COX18: variants seen among roughly 807,000 people sequenced by gnomAD.
COX18 encodes the protein cytochrome c oxidase assembly protein COX18, mitochondrial.
COX18 carries 45 observed loss-of-function variants against 38.0 expected under a neutral mutation model. The ratio of observed to expected loss-of-function variants is 1.18; its 90% CI spans 0.93 to 1.52. The LOEUF (loss-of-function observed/expected upper bound fraction) is 1.52. Among genes scored for constraint, COX18 ranks in the 40% most tolerant of loss-of-function variants. The probability of loss-of-function intolerance (pLI) is 0.00; values close to 1 mark genes in which losing one functional copy is unlikely to be tolerated. For synonymous variants in COX18, 177 were observed against 169.8 expected (o/e 1.04, Z -0.33); for missense variants, 462 against 423.8 (o/e 1.09, Z -0.79).
chr4:73,062,197 T>C (rs993255374), intron 4 of COX18, among the ~76,000 whole-genome samples: 10 of 152,114 alleles, frequency 6.6e-5, no homozygotes, highest in Non-Finnish European at 1.0e-4. Flanking sequence ...GCTGGGATAA[T>C]AGGCATGCAC....
In COX18 at chr4:73,053,416, TG is replaced by T. The variant is rs1437758930; in HGVS notation, c.*4697del. 6.6e-6 allele frequency: 1 copy of T among 152,182 alleles called. No individual in the cohort carries two copies. Among genetic ancestry groups the T allele is most frequent in the Non-Finnish European group, 1.5e-5 (1 of 68,046 alleles). 9.4% of individuals were successfully genotyped at this position (152,182 alleles called of 1,614,324 possible). On this transcript the variant is annotated 3_prime_UTR_variant, in exon 6 of 6. Coordinates refer to ENST00000507544, the MANE Select transcript of COX18 (RefSeq NM_001297732.2). ...GGGATAATGAAACTTACGCGATGTCTGGGAAGACTGTAATCCCATAGTACTT... is the reference window on the plus strand; with the variant it reads ...GGGATAATGAAACTTACGCGATGTCTGGAAGACTGTAATCCCATAGTACTT...
chr4:73,068,968 T>C (rs1329355610), intron 1 of COX18, among the ~76,000 whole-genome samples: 1 of 152,202 alleles, frequency 6.6e-6, no homozygotes, highest in African/African-American at 2.4e-5. Flanking sequence ...CTATTAAAAC[T>C]TTTAAGACAT....
intron 1 of COX18, 83 bp from the exon 2 acceptor site, chr4:73,068,212 A>G (rs1720568954): frequency 3.7e-6 from 3 of 818,764 alleles, no homozygotes; most frequent in Non-Finnish European, 5.7e-6. Flanking sequence ...TATTCCCTCG[A>G]GTCATTTAAA....
chr4:73,065,805 T>G (rs1315425071), intron 2 of COX18, among the ~76,000 whole-genome samples: 1 of 152,224 alleles, frequency 6.6e-6, no homozygotes, highest in East Asian at 1.9e-4. Context: ...ACTTCATCCC[T>G]GAATATACCT....
chr4:73,058,189 C>T lies in COX18; in HGVS notation c.930G>A (p.Ser310=), dbSNP rs984309669. The change falls in exon 6 of 6, where the codon TCG becomes TCA. Residue 310 remains serine (S), a synonymous_variant. Coordinates refer to ENST00000507544, the MANE Select transcript of COX18 (RefSeq NM_001297732.2). ...AAGGAGTTTCTGAATCTGACTTGGT[C>T]GATGGTATTCGGCAAAGTTGGCGAA... ...PGFRQLCRIP[S]TKSDSETPYK... is the part of the protein sequence containing the mutation. The T allele has an allele frequency of 6.2e-6, 10 of 1,613,464 alleles. No individual in the cohort carries two copies. Among genetic ancestry groups the T allele is most frequent in the African/African-American group, 2.7e-5 (2 of 74,820 alleles).
chr4:73,066,491 C>T (rs753159052), intron 2 of COX18, among the ~76,000 whole-genome samples: 5 of 152,142 alleles, frequency 3.3e-5, no homozygotes, highest in African/African-American at 4.8e-5. Context: ...AGTTTGAGAT[C>T]AGCCTGCACA....
intron 4 of COX18, among the ~76,000 whole-genome samples, chr4:73,063,425 C>G (rs1251922679): frequency 6.6e-6 from 1 of 152,228 alleles, no homozygotes; most frequent in African/African-American, 2.4e-5. Flanking sequence ...GTCTTTCTCT[C>G]TGTCGCCCAG....
chr4:73,069,014 C>A (rs1341081128), intron 1 of COX18, among the ~76,000 whole-genome samples: 1 of 152,186 alleles, frequency 6.6e-6, no homozygotes, highest in African/African-American at 2.4e-5. Flanking sequence ...ATTTCTTCTG[C>A]GACTGATTTC....
chr4:73,068,211 G>C, intron 1 of COX18, 82 bp from the exon 2 acceptor site: 2 of 819,878 alleles, frequency 2.4e-6, no homozygotes, highest in South Asian at 1.7e-5. Context: ...TTATTCCCTC[G>C]AGTCATTTAA....
At chr4:73,060,896 A>G (rs1720122853) in intron 5 of COX18, among the ~76,000 whole-genome samples, 2 of 151,648 alleles carry the variant, frequency 1.3e-5, no homozygotes. Context: ...AAAAAAAAAA[A>G]ATACTGTGAG....
intron 4 of COX18, among the ~76,000 whole-genome samples, chr4:73,062,375 A>C (rs76321913): frequency 6.7e-6 from 1 of 148,452 alleles, no homozygotes; most frequent in Admixed American, 6.7e-5. Flanking sequence ...AAACGACAAC[A>C]AAAAAAAAAC....
intron 2 of COX18, among the ~76,000 whole-genome samples, chr4:73,066,898 T>TA (rs924453329): frequency 6.6e-6 from 1 of 152,336 alleles, no homozygotes; most frequent in African/African-American, 2.4e-5. Context: ...TACAACTATA[T>TA]AAAAATATAT....
At chr4:73,069,249 T>C in intron 1 of COX18, 68 bp downstream of exon 1, 1 of 1,190,040 alleles carries the variant, frequency 8.4e-7, no homozygotes, top group Non-Finnish European at 1.2e-6. Context: ...AAACCCTGAG[T>C]GAATGTCGGC....
chr4:73,065,620 G>A (rs2110058269), intron 2 of COX18, among the ~76,000 whole-genome samples: 1 of 152,184 alleles, frequency 6.6e-6, no homozygotes, highest in East Asian at 1.9e-4. Flanking sequence ...TGGTACACAA[G>A]TTACATAACA....
In COX18 at chr4:73,065,303, A is replaced by C. The variant is rs145574446; in HGVS notation, c.545T>G (p.Ile182Ser). ...VLVWIQLPMW[I>S]FMSFALRNLS... ...ATTCCGGAGAGCAAAAGACATGAAGATCCACATTGGAAGCTGAATCCAAAC... is the reference window on the plus strand; with the variant it reads ...ATTCCGGAGAGCAAAAGACATGAAGCTCCACATTGGAAGCTGAATCCAAAC... Residue 182 changes from isoleucine (I) to serine (S), a missense_variant, in exon 3 of 6, where the codon ATC becomes AGC. By Grantham distance (142) the Ile-to-Ser change is moderately radical. Coordinates refer to ENST00000507544, the MANE Select transcript of COX18 (RefSeq NM_001297732.2). 2 of 1,613,798 alleles carry C rather than the reference A, an allele frequency of 1.2e-6. No individual in the cohort carries two copies. The highest frequency in any genetic ancestry group is 1.7e-6 in the Non-Finnish European group (2 of 1,179,960).
At chr4:73,066,535 AAAAAG>A (rs922807041) in intron 2 of COX18, among the ~76,000 whole-genome samples, 7 of 152,182 alleles carry the variant, frequency 4.6e-5, no homozygotes, top group South Asian at 2.1e-4. Context: ...CAAAAAAACA[AAAAAG>A]AAAAGAAAAG....
At chr4:73,067,731 C>A (rs1269703206) in intron 2 of COX18, among the ~76,000 whole-genome samples, 1 of 144,158 alleles carries the variant, frequency 6.9e-6, no homozygotes, top group Non-Finnish European at 1.5e-5. Context: ...ATCCCAGCTA[C>A]CTGGGAGGCT....
intron 5 of COX18, 49 bp downstream of exon 5, chr4:73,061,764 G>A (rs1312856362): frequency 2.1e-5 from 18 of 876,626 alleles, no homozygotes; most frequent in Non-Finnish European, 3.2e-5. Context: ...CTAAGCTAAA[G>A]TCAGAGAGGA....
Position 73,068,812 on chromosome 4 carries a change from A to C in COX18, c.333+505T>G, listed in dbSNP as rs1451751355. Among the ~76,000 whole-genome samples the C allele has an allele frequency of 2.6e-5, 4 of 152,370 alleles. No individual in the cohort carries two copies. The East Asian group carries it at 7.7e-4, about 29-fold the overall frequency. On this transcript the variant is annotated intron_variant, in intron 1 of 5. Transcript: ENST00000507544. ...TCAGAAAAAAGGATTCAGCATTAAA[A>C]GGTCAAGTAACTGCGACCAACCAGA...
Sources: allele counts gnomAD v4.1 joint callset (sites outside exome capture counted in the v4.1 genomes callset), GRCh38; gene constraint gnomAD v4.1.1; transcripts MANE v1.5; gene names NCBI Gene and HGNC (gene_info 2026-07-23, HGNC 2026-07-21).